The following FGF12 variants were observed in gnomAD, a reference collection of about 807,000 sequenced individuals.
FGF12 encodes the protein fibroblast growth factor 12, also known as fibroblast growth factor 12B.
A neutral mutation model predicts 23.6 loss-of-function variants in FGF12; 14 were observed. The observed-to-expected ratio is 0.59, with a 90% CI of 0.39 to 0.93. The LOEUF (loss-of-function observed/expected upper bound fraction) is 0.93, where lower values mean the gene tolerates loss of function less well. Among genes scored for constraint, FGF12 ranks in the 40% least tolerant of loss-of-function variants. FGF12 has a pLI of 0.00. For synonymous variants in FGF12, 62 were observed against 77.3 expected (o/e 0.80, Z 1.04); for missense variants, 175 against 217.8 (o/e 0.80, Z 1.24).
At chr3:192,505,619 A>AAT (rs1346826165) in intron 2 of FGF12, among the ~76,000 whole-genome samples, 2 of 152,136 alleles carry the variant, frequency 1.3e-5, no homozygotes, top group Admixed American at 1.3e-4. Context: ...GCATAATCTG[A>AAT]ATATATATAT....
At chr3:192,653,249 A>G (rs1257021356) in intron 2 of FGF12, among the ~76,000 whole-genome samples, 1 of 152,198 alleles carries the variant, frequency 6.6e-6, no homozygotes, top group Non-Finnish European at 1.5e-5. Context: ...TTATGTCATC[A>G]CTGTAACTAG....
At chr3:192,183,022 A>C (rs1716265914) in intron 4 of FGF12, among the ~76,000 whole-genome samples, 1 of 152,200 alleles carries the variant, frequency 6.6e-6, no homozygotes, top group Non-Finnish European at 1.5e-5. Flanking sequence ...CCTGCAGGTG[A>C]TTACAATGCT....
At chr3:192,383,496 A>G (rs552218984) in intron 2 of FGF12, among the ~76,000 whole-genome samples, 1 of 151,352 alleles carries the variant, frequency 6.6e-6, no homozygotes, top group East Asian at 1.9e-4. Context: ...CCTTAAAATG[A>G]CATGGTTCCA....
chr3:192,338,010 C>A (rs1196175520), intron 3 of FGF12, among the ~76,000 whole-genome samples: 1 of 152,082 alleles, frequency 6.6e-6, no homozygotes, highest in Admixed American at 6.6e-5. Context: ...AGAATGATTA[C>A]CTTAATTTAT....
At chr3:192,612,900 T>C (rs1451391255) in intron 2 of FGF12, among the ~76,000 whole-genome samples, 1 of 151,950 alleles carries the variant, frequency 6.6e-6, no homozygotes, top group Non-Finnish European at 1.5e-5. Flanking sequence ...TAAATTGGCA[T>C]AACTCTTCTG....
chr3:192,508,725 C>T (rs1443693356), intron 2 of FGF12, among the ~76,000 whole-genome samples: 1 of 152,142 alleles, frequency 6.6e-6, no homozygotes, highest in African/African-American at 2.4e-5. Flanking sequence ...TGTATTCAAA[C>T]ACATTTTTTT....
intron 2 of FGF12, among the ~76,000 whole-genome samples, chr3:192,541,382 T>C (rs1038497655): frequency 2.0e-5 from 3 of 152,218 alleles, no homozygotes; most frequent in Non-Finnish European, 2.9e-5. Context: ...TTAACACCTA[T>C]TGCATAAACA....
chr3:192,695,376 T>C (rs62294810), intron 2 of FGF12, among the ~76,000 whole-genome samples: 4,007 of 152,250 alleles, frequency 0.026, 73 homozygotes, highest in Middle Eastern at 0.075. Context: ...ACTTCATTCT[T>C]TGAGGTGGAA....
chr3:192,396,484 G>T (rs1720523639), intron 2 of FGF12, among the ~76,000 whole-genome samples: 1 of 152,224 alleles, frequency 6.6e-6, no homozygotes, highest in South Asian at 2.1e-4. Flanking sequence ...GTAGCAGTAA[G>T]GCATAGGCTT....
intron 3 of FGF12, among the ~76,000 whole-genome samples, chr3:192,338,269 G>C (rs1253579315): frequency 1.3e-5 from 2 of 152,106 alleles, no homozygotes; most frequent in Non-Finnish European, 2.9e-5. Context: ...ATTTTTAGTA[G>C]AGACGGGGTT....
intron 2 of FGF12, among the ~76,000 whole-genome samples, chr3:192,374,068 T>C (rs1483031857): frequency 6.6e-6 from 1 of 152,234 alleles, no homozygotes; most frequent in African/African-American, 2.4e-5. Flanking sequence ...TGTCAACAAA[T>C]AATTTTTAAA....
chr3:192,229,952 A>G (rs546181492), intron 4 of FGF12, among the ~76,000 whole-genome samples: 1 of 136,600 alleles, frequency 7.3e-6, no homozygotes, highest in South Asian at 2.7e-4. Context: ...AAAATGGATG[A>G]TACATTATGT....
intron 4 of FGF12, among the ~76,000 whole-genome samples, chr3:192,254,727 C>A (rs756431586): frequency 1.3e-5 from 2 of 151,954 alleles, no homozygotes; most frequent in African/African-American, 4.8e-5. Context: ...ACATTAAGTG[C>A]TTACATAACA....
At chr3:192,229,168 A>T (rs114849013) in intron 4 of FGF12, among the ~76,000 whole-genome samples, 9,137 of 149,830 alleles carry the variant, frequency 0.061, 417 homozygotes, top group African/African-American at 0.13. Flanking sequence ...ATAAAATTTT[A>T]AAAAAAAAAA....
chr3:192,211,065 G>T (rs928731416), intron 4 of FGF12, among the ~76,000 whole-genome samples: 1 of 152,150 alleles, frequency 6.6e-6, no homozygotes, highest in Non-Finnish European at 1.5e-5. Context: ...TTTGGATTAG[G>T]CTCCAAGGGT....
intron 2 of FGF12, among the ~76,000 whole-genome samples, chr3:192,667,150 T>G (rs1235384764): frequency 1.3e-5 from 2 of 152,138 alleles, no homozygotes; most frequent in African/African-American, 4.8e-5. Flanking sequence ...AGATAACAAT[T>G]TTTTGAGAAT....
At chr3:192,273,469 A>C (rs1026383974) in intron 4 of FGF12, among the ~76,000 whole-genome samples, 1 of 152,176 alleles carries the variant, frequency 6.6e-6, no homozygotes, top group Non-Finnish European at 1.5e-5. Flanking sequence ...AGAGTCCTGC[A>C]TGCTAGGCAA....
At chr3:192,374,166 G>GT (rs1407707934) in intron 2 of FGF12, among the ~76,000 whole-genome samples, 1 of 152,112 alleles carries the variant, frequency 6.6e-6, no homozygotes, top group Non-Finnish European at 1.5e-5. Context: ...AAAACATTGG[G>GT]TTTTTTATCT....
intron 2 of FGF12, among the ~76,000 whole-genome samples, chr3:192,647,602 T>C (rs573718375): frequency 2.0e-5 from 3 of 151,510 alleles, no homozygotes; most frequent in African/African-American, 7.3e-5. Flanking sequence ...GAATGAATAA[T>C]TACCTGGAAT....
Sources: gnomAD v4.1 joint callset for allele counts (sites outside exome capture counted in the v4.1 genomes callset) on GRCh38, gnomAD v4.1.1 for gene constraint, MANE v1.5 for transcripts, NCBI Gene and HGNC (gene_info 2026-07-23, HGNC 2026-07-21) for gene names.